Variants in ATP6V0E2 observed in about 807,000 individuals in gnomAD.
ATP6V0E2 encodes the protein ATPase H+ transporting V0 subunit e2.
In ATP6V0E2, 4 loss-of-function variants were observed where a neutral mutation model predicts 11.5. The ratio of observed to expected loss-of-function variants is 0.35; its 90% CI spans 0.17 to 0.80. ATP6V0E2 has a LOEUF of 0.80. Among genes scored for constraint, ATP6V0E2 ranks in the 30% least tolerant of loss-of-function variants. The pLI, the probability that ATP6V0E2 is intolerant of heterozygous loss-of-function variation, is 0.53. For missense variants in ATP6V0E2, 93 were observed against 113.5 expected (o/e 0.82, Z 0.82); for synonymous variants, 52 against 51.0 (o/e 1.02, Z -0.09).
chr7:149,873,803 G>T, upstream of ATP6V0E2: 15 of 1,392,964 alleles, frequency 1.1e-5, no homozygotes, highest in Non-Finnish European at 1.4e-5. Flanking sequence ...CGCCGAAACC[G>T]GGCGGCCGCG....
rs1050524422 is a variant in ATP6V0E2 at position 149,878,708 on chromosome 7, C to G, written c.183C>G (p.Asn61Lys). ...TCATCGCCATCCTGGCGCAGCTGAA[C>G]CCCCTGTTCGGGCCCCAGCTGAAGA... ...FWLIAILAQL[N>K]PLFGPQLKNE... The change falls in exon 3 of 4, where the codon AAC becomes AAG. Residue 61 changes from asparagine to lysine, a missense_variant. Asn to Lys is a moderately conservative substitution (Grantham distance 94). Transcript: ENST00000425642. 1 of 1,612,766 alleles carries G rather than the reference C, an allele frequency of 6.2e-7. No homozygotes were observed. Among genetic ancestry groups the G allele is most frequent in the East Asian group, 2.2e-5 (1 of 44,852 alleles).
upstream of ATP6V0E2, chr7:149,873,858 C>T: frequency 6.9e-7 from 1 of 1,455,414 alleles, no homozygotes; most frequent in Non-Finnish European, 9.0e-7. Context: ...CCTGCTCAGC[C>T]AATCAGCGAG....
Position 149,873,991 on chromosome 7 carries a change from C to G in ATP6V0E2, c.-75C>G. 6.5e-7 allele frequency: 1 copy of G among 1,544,890 alleles called. No individual in the cohort carries two copies. The highest frequency in any genetic ancestry group is 8.7e-7 in the Non-Finnish European group (1 of 1,145,634). ...CCTGTTGCGCATGCTCAGCGCGCTG[C>G]CCGGCTGGGGACCCGCGCACCTGCA... On this transcript the variant is annotated 5_prime_UTR_variant, in exon 1 of 4. Coordinates refer to ENST00000425642, the MANE Select transcript of ATP6V0E2 (RefSeq NM_145230.4).
At chr7:149,875,242 C>T (rs897905527) in intron 1 of ATP6V0E2, among the ~76,000 whole-genome samples, 1 of 152,188 alleles carries the variant, frequency 6.6e-6, no homozygotes, top group African/African-American at 2.4e-5. Context: ...ATTTTGAATT[C>T]TACAGACCAC....
At chr7:149,877,461 T>A (rs1230761974) in intron 2 of ATP6V0E2, among the ~76,000 whole-genome samples, 1 of 152,064 alleles carries the variant, frequency 6.6e-6, no homozygotes, top group African/African-American at 2.4e-5. Flanking sequence ...GGATTACAGG[T>A]ACACGCCACT....
rs1407317716 is a variant in ATP6V0E2 at position 149,879,783 on chromosome 7, T to C, written c.*468T>C. Reference sequence around the variant, plus strand: ...CTGCTGGGAACTGGGGGGGCCTCTATTGGGTTATAGGCAAGGCCTTTTCTC... The same window carrying C: ...CTGCTGGGAACTGGGGGGGCCTCTACTGGGTTATAGGCAAGGCCTTTTCTC... On this transcript the variant is annotated 3_prime_UTR_variant, in exon 4 of 4. Coordinates refer to ENST00000425642, the MANE Select transcript of ATP6V0E2 (RefSeq NM_145230.4). The C allele has an allele frequency of 4.8e-6, 4 of 841,838 alleles. No individual in the cohort carries two copies. The highest frequency in any genetic ancestry group is 2.4e-4 in the Middle Eastern group (1 of 4,152). The allele number at this position is 841,838 out of a possible 1,614,324, so 52.1% of individuals were successfully genotyped here.
At chr7:149,875,576 C>T (rs1006785915) in intron 1 of ATP6V0E2, 22 bp from the exon 2 acceptor site, 1 of 1,613,590 alleles carries the variant, frequency 6.2e-7, no homozygotes, top group Non-Finnish European at 8.5e-7. Context: ...TTTGTTCTGA[C>T]CCGTGTCCTC....
In ATP6V0E2 at chr7:149,874,168, G is replaced by T; in HGVS notation, c.103G>T (p.Gly35Ter). 1 of 1,548,478 alleles carries T rather than the reference G, an allele frequency of 6.5e-7. No homozygotes were observed. The highest frequency in any genetic ancestry group is 1.2e-5 in the South Asian group (1 of 83,914). Residue 35 changes from glycine to a stop codon, truncating the protein, a stop_gained and splice_region_variant, in exon 1 of 4, where the codon GGA (glycine) becomes TGA (stop). Transcript: ENST00000425642. LOFTEE classifies it high-confidence loss of function. ...GTTCGTGCCGAAGGGACCCAACCGC[G>T]GGTAAGGAAAGCGCGCAGGCCCTGC... is the stretch of plus-strand genomic sequence containing the variant. ...PWFVPKGPNR[G>*]VIITMLVATA...
rs777578362 is a variant in ATP6V0E2, at chr7:149,879,665, C to T, written c.*350C>T. 6 of 1,445,136 alleles carry T rather than the reference C, an allele frequency of 4.2e-6. No individual in the cohort carries two copies. In the Admixed American group the frequency reaches 1.3e-4, roughly 32 times the overall value. 89.5% of individuals were successfully genotyped at this position (1,445,136 alleles called of 1,614,324 possible). A position where few individuals can be genotyped will look rare whatever the true frequency, so the allele number is the denominator to read the frequency against. On this transcript the variant is annotated 3_prime_UTR_variant, in exon 4 of 4. Coordinates refer to ENST00000425642, the MANE Select transcript of ATP6V0E2 (RefSeq NM_145230.4). ...TACAGACGGGGCAGATGCCAGGACT[C>T]AGCCCATCCTGAGGAGGACACGTGT...
chr7:149,877,370 C>T (rs1330796572), intron 2 of ATP6V0E2, among the ~76,000 whole-genome samples: 1 of 152,100 alleles, frequency 6.6e-6, no homozygotes, highest in Non-Finnish European at 1.5e-5. Context: ...TTCTGTAGGA[C>T]AGGGTCTTGC....
upstream of ATP6V0E2, chr7:149,873,737 A>G: frequency 1.3e-6 from 1 of 785,240 alleles, no homozygotes; most frequent in Non-Finnish European, 1.9e-6. Flanking sequence ...GGAAATAAGA[A>G]TGCGGCGTGA....
upstream of ATP6V0E2, chr7:149,873,676 G>C (rs1802953997): frequency 6.6e-6 from 3 of 454,490 alleles, no homozygotes. Flanking sequence ...TGAAGGGCAG[G>C]GGACGCCCCG....
In ATP6V0E2 at chr7:149,879,713, C is replaced by CCCAGGCG. The variant is rs1803357324; in HGVS notation, c.*399_*405dup. 1 of 1,349,718 alleles carries CCCAGGCG rather than the reference C, an allele frequency of 7.4e-7. No homozygotes were observed. Among genetic ancestry groups the CCCAGGCG allele is most frequent in the African/African-American group, 1.5e-5 (1 of 66,436 alleles). 83.6% of individuals were successfully genotyped at this position (1,349,718 alleles called of 1,614,324 possible). ...TGTCCTCATGGAGAGGGTGCTCCGG[C>CCCAGGCG]CCAGGCGGGGGAGTCAGTGCCCAGT... On this transcript the variant is annotated 3_prime_UTR_variant, in exon 4 of 4. Transcript: ENST00000425642.
intron 3 of ATP6V0E2, 61 bp from the exon 4 acceptor site, chr7:149,879,274 G>T (rs1211029827): frequency 4.2e-6 from 6 of 1,429,368 alleles, no homozygotes; most frequent in Non-Finnish European, 4.6e-6. Context: ...TCCAGGGAGG[G>T]TTGGGGGCAG....
chr7:149,878,684 C>T lies in ATP6V0E2; in HGVS notation c.159C>T (p.Leu53=), dbSNP rs780499023. Residue 53 remains leucine (L), a synonymous_variant, in exon 3 of 4, where the codon CTC becomes CTT. Transcript: ENST00000425642. The stretch of plus-strand genomic sequence containing the variant: ...GCTTTGCTGTCCCTGGCAGCTGGCT[C>T]ATCGCCATCCTGGCGCAGCTGAACC... ...ATAVCCYLFW[L]IAILAQLNPL... 7 of 1,611,544 alleles carry T rather than the reference C, an allele frequency of 4.3e-6. No homozygotes were observed. The highest frequency in any genetic ancestry group is 4.5e-5 in the East Asian group (2 of 44,868).
chr7:149,875,835 G>T, intron 2 of ATP6V0E2, 190 bp downstream of exon 2: 1 of 684,150 alleles, frequency 1.5e-6, no homozygotes, highest in Admixed American at 2.1e-5. Context: ...CATGAACCCT[G>T]GGCTCTGGAT....
At chr7:149,875,483 T>C (rs769583086) in intron 1 of ATP6V0E2, 115 bp from the exon 2 acceptor site, 5 of 1,001,830 alleles carry the variant, frequency 5.0e-6, no homozygotes, top group Non-Finnish European at 8.0e-6. Context: ...CCAGGAGGCA[T>C]CAGGAAGGCC....
At chr7:149,878,817 G>A in intron 3 of ATP6V0E2, 27 bp downstream of exon 3, 1 of 1,599,372 alleles carries the variant, frequency 6.3e-7, no homozygotes. Context: ...GGGTGTGGGT[G>A]GGGAAGAGGG....
chr7:149,873,880 G>A (rs750752863), upstream of ATP6V0E2: 12 of 1,482,656 alleles, frequency 8.1e-6, no homozygotes, highest in African/African-American at 1.7e-4. Flanking sequence ...GGGCTCCTAG[G>A]CAGGTCCTGA....
Sources: allele counts gnomAD v4.1 joint callset (sites outside exome capture counted in the v4.1 genomes callset), GRCh38; gene constraint gnomAD v4.1.1; transcripts MANE v1.5; gene names NCBI Gene and HGNC (gene_info 2026-07-23, HGNC 2026-07-21).